The following XPO4 variants were observed in gnomAD, a reference collection of about 807,000 sequenced individuals.
XPO4 encodes the protein exportin 4.
Under a neutral mutation model 143.0 loss-of-function variants are expected in XPO4, and 39 were observed. The ratio of observed to expected loss-of-function variants is 0.27; its 90% CI spans 0.21 to 0.36. The LOEUF is 0.36. XPO4 is among the 10% of genes least tolerant of loss of function. The probability of loss-of-function intolerance (pLI) is 1.00; values close to 1 mark genes in which losing one functional copy is unlikely to be tolerated. For synonymous variants in XPO4, 439 were observed against 474.0 expected (o/e 0.93, Z 0.96); for missense variants, 907 against 1,348.0 (o/e 0.67, Z 5.12).
intron 1 of XPO4, among the ~76,000 whole-genome samples, chr13:20,871,289 G>C (rs2060295378): frequency 6.6e-6 from 1 of 152,054 alleles, no homozygotes; most frequent in Non-Finnish European, 1.5e-5. Context: ...CAAAGTGCTG[G>C]GATCACAGGC....
chr13:20,785,808 GAAGGAAGGAAGA>G (rs2059193461), intron 22 of XPO4, among the ~76,000 whole-genome samples: 1 of 139,744 alleles, frequency 7.2e-6, no homozygotes. Flanking sequence ...GGAAGAGAAG[GAAGGAAGGAAGA>G]AAGGAAGGGA....
At chr13:20,835,627 T>A (rs1016158305) in intron 6 of XPO4, among the ~76,000 whole-genome samples, 3 of 152,140 alleles carry the variant, frequency 2.0e-5, no homozygotes, top group African/African-American at 7.2e-5. Flanking sequence ...AAAACAACAT[T>A]TCCTTGGCAC....
chr13:20,815,509 T>TAAATA (rs1241750042), intron 9 of XPO4, among the ~76,000 whole-genome samples: 3 of 152,206 alleles, frequency 2.0e-5, no homozygotes, highest in Non-Finnish European at 4.4e-5. Flanking sequence ...TATATAAATC[T>TAAATA]AATATCAGGT....
intron 9 of XPO4, among the ~76,000 whole-genome samples, chr13:20,818,799 T>A (rs975746874): frequency 6.6e-6 from 1 of 152,060 alleles, no homozygotes; most frequent in South Asian, 2.1e-4. Flanking sequence ...TATTGTACAC[T>A]ATACACGTCC....
At chr13:20,851,307 T>A in intron 4 of XPO4, 1 of 985,372 alleles carries the variant, frequency 1.0e-6, no homozygotes, top group Non-Finnish European at 1.2e-6. Flanking sequence ...ATTTAATGTT[T>A]TTAATGTAGT....
intron 7 of XPO4, 53 bp downstream of exon 7, chr13:20,827,014 G>T: frequency 7.9e-7 from 1 of 1,264,668 alleles, no homozygotes; most frequent in Non-Finnish European, 1.2e-6. Context: ...ACTCGCCAAG[G>T]CATTTCCTCT....
intron 1 of XPO4, among the ~76,000 whole-genome samples, chr13:20,882,121 AAAAAAAG>A (rs958645378): frequency 6.6e-6 from 1 of 151,318 alleles, no homozygotes; most frequent in African/African-American, 2.4e-5. Context: ...AAAAAAAAAA[AAAAAAAG>A]AAAGAAAGAA....
intron 18 of XPO4, among the ~76,000 whole-genome samples, chr13:20,791,383 A>G (rs1595055881): frequency 2.0e-5 from 3 of 152,340 alleles, no homozygotes; most frequent in South Asian, 4.1e-4. Flanking sequence ...TCTATTAAGG[A>G]TATAATCAGA....
chr13:20,900,315 C>T (rs9579964), intron 1 of XPO4, among the ~76,000 whole-genome samples: 14,181 of 151,772 alleles, frequency 0.093, 823 homozygotes, highest in Non-Finnish European at 0.13. Context: ...ACCCGGGAGG[C>T]GGAGGTGGCA....
chr13:20,799,743 C>A (rs145657758), intron 15 of XPO4, among the ~76,000 whole-genome samples: 2 of 152,086 alleles, frequency 1.3e-5, no homozygotes, highest in African/African-American at 4.8e-5. Flanking sequence ...GTAAGAACAA[C>A]GAAAACATTT....
intron 18 of XPO4, 41 bp downstream of exon 18, chr13:20,796,035 G>A: frequency 2.0e-6 from 3 of 1,538,432 alleles, no homozygotes; most frequent in Non-Finnish European, 2.6e-6. Context: ...ATAAAAAGGA[G>A]GATAACAACA....
At chr13:20,806,762 A>C (rs2059512739) in intron 13 of XPO4, among the ~76,000 whole-genome samples, 1 of 151,914 alleles carries the variant, frequency 6.6e-6, no homozygotes, top group Non-Finnish European at 1.5e-5. Flanking sequence ...CATGTTGGCC[A>C]GGAGGGTCTC....
intron 6 of XPO4, among the ~76,000 whole-genome samples, chr13:20,841,498 G>A (rs2059973086): frequency 6.6e-6 from 1 of 152,142 alleles, no homozygotes; most frequent in Non-Finnish European, 1.5e-5. Flanking sequence ...AAGATAAAAA[G>A]TTGGTTATTG....
intron 18 of XPO4, among the ~76,000 whole-genome samples, chr13:20,792,115 T>TA (rs2059288886): frequency 6.6e-6 from 1 of 152,196 alleles, no homozygotes; most frequent in South Asian, 2.1e-4. Flanking sequence ...GCTCAGTCTC[T>TA]AACCATGTGC....
At chr13:20,853,608 C>G (rs550438561) in intron 4 of XPO4, among the ~76,000 whole-genome samples, 4 of 152,168 alleles carry the variant, frequency 2.6e-5, no homozygotes, top group Non-Finnish European at 5.9e-5. Context: ...TGTAAAGATT[C>G]AAACATATAT....
chr13:20,825,008 G>A (rs1342657003), intron 7 of XPO4, among the ~76,000 whole-genome samples: 1 of 152,148 alleles, frequency 6.6e-6, no homozygotes, highest in Non-Finnish European at 1.5e-5. Context: ...GTCAAAGAGA[G>A]AGCCACAGGA....
In XPO4 at chr13:20,848,543, T is replaced by C. The variant is rs375310566; in HGVS notation, c.457-4657A>G. ...GCAGCTGTATTTTTTATCATTATCA[T>C]AGAAAATGACAACCACCTATTTCAG... On this transcript the variant is annotated intron_variant, in intron 4 of 22. Coordinates refer to ENST00000255305, the MANE Select transcript of XPO4 (RefSeq NM_022459.5). 11 of 985,204 alleles carry C rather than the reference T, an allele frequency of 1.1e-5. No homozygotes were observed. The African/African-American group carries it at 1.6e-4, about 14-fold the overall frequency. The allele number at this position is 985,204 out of a possible 1,614,324, so 61.0% of individuals were successfully genotyped here.
intron 9 of XPO4, among the ~76,000 whole-genome samples, chr13:20,817,082 G>C (rs1173944848): frequency 6.6e-6 from 1 of 152,166 alleles, no homozygotes; most frequent in African/African-American, 2.4e-5. Context: ...ATGTTGGCAA[G>C]GATCTTCAAA....
intron 1 of XPO4, among the ~76,000 whole-genome samples, chr13:20,876,632 TAAA>T (rs901009461): frequency 6.6e-6 from 1 of 152,154 alleles, no homozygotes; most frequent in Non-Finnish European, 1.5e-5. Flanking sequence ...AATTTCTTAA[TAAA>T]AAGCAAAAAT....
Sources: gnomAD v4.1 joint callset for allele counts (sites outside exome capture counted in the v4.1 genomes callset) on GRCh38, gnomAD v4.1.1 for gene constraint, MANE v1.5 for transcripts, NCBI Gene and HGNC (gene_info 2026-07-23, HGNC 2026-07-21) for gene names.